DYNC2I1: variants seen among roughly 807,000 people sequenced by gnomAD.
DYNC2I1 encodes cytoplasmic dynein 2 intermediate chain 1.
In DYNC2I1, 89 loss-of-function variants were observed where a neutral mutation model predicts 133.4. The observed-to-expected ratio is 0.67, with a 90% CI of 0.56 to 0.80. DYNC2I1 has a LOEUF of 0.80. Ranked by LOEUF, DYNC2I1 falls within the 30% of genes least tolerant of loss-of-function variation. The probability of loss-of-function intolerance (pLI) is 0.00; values close to 1 mark genes in which losing one functional copy is unlikely to be tolerated. For synonymous variants in DYNC2I1, 504 were observed against 484.3 expected, an observed-to-expected ratio of 1.04 and a Z score of -0.54; for missense variants, 1,291 against 1,314.5, an observed-to-expected ratio of 0.98 and a Z score of 0.28.
chr7:158,936,178 A>G (rs902963945), intron 23 of DYNC2I1, among the ~76,000 whole-genome samples: 1 of 152,218 alleles, frequency 6.6e-6, no homozygotes, highest in African/African-American at 2.4e-5. Context: ...CAACAAAAGC[A>G]AAACTCCGTC....
In DYNC2I1 at chr7:158,871,568, TC is replaced by T; in HGVS notation, c.490+10del. On this transcript the variant is annotated splice_region_variant and intron_variant, in intron 3 of 24. Transcript: ENST00000407559. ...GGAGAGGAAAGGCCGCTCAGGTGGGTCCCCGCTTGCCTTCCTGTGGTTCCAC... is the reference window on the plus strand; with the variant it reads ...GGAGAGGAAAGGCCGCTCAGGTGGGTCCCGCTTGCCTTCCTGTGGTTCCAC... 1 of 1,524,050 alleles carries T rather than the reference TC, an allele frequency of 6.6e-7. No homozygotes were observed. The allele number at this position is 1,524,050 out of a possible 1,614,324, so 94.4% of individuals were successfully genotyped here.
At chr7:158,881,180 T>G (rs1291070373) in intron 5 of DYNC2I1, among the ~76,000 whole-genome samples, 1 of 152,232 alleles carries the variant, frequency 6.6e-6, no homozygotes, top group Non-Finnish European at 1.5e-5. Flanking sequence ...CTGTCCTGCA[T>G]GGGGTCAGAG....
At chr7:158,872,130 A>G (rs1196174254) in intron 3 of DYNC2I1, among the ~76,000 whole-genome samples, 2 of 151,834 alleles carry the variant, frequency 1.3e-5, no homozygotes, top group African/African-American at 2.4e-5. Context: ...AGCTTGGGGA[A>G]CACAGGGAGA....
chr7:158,922,315 GTT>G (rs1849180685), intron 15 of DYNC2I1, 60 bp from the exon 16 acceptor site: 1 of 1,541,716 alleles, frequency 6.5e-7, no homozygotes, highest in Non-Finnish European at 8.9e-7. Flanking sequence ...TCGGAAGTGT[GTT>G]AAATTTAACT....
At chr7:158,839,412 G>A in the DYNC2I1 span, among the ~76,000 whole-genome samples, 15 of 138,052 alleles carry the variant, frequency 1.1e-4, no homozygotes, top group East Asian at 4.4e-4. Context: ...ATGTGACTCC[G>A]TAACACCTGA....
chr7:158,936,444 T>C (rs1463405138), intron 23 of DYNC2I1, among the ~76,000 whole-genome samples: 1 of 152,182 alleles, frequency 6.6e-6, no homozygotes, highest in Non-Finnish European at 1.5e-5. Flanking sequence ...TTCCCCCTTA[T>C]TTGGCCTGGC....
chr7:158,949,381 A>G (rs1294114426), downstream of DYNC2I1, among the ~76,000 whole-genome samples: 6 of 152,252 alleles, frequency 3.9e-5, no homozygotes, highest in Admixed American at 3.9e-4. Context: ...GTCCTGGAAA[A>G]GCGTCTGCCT....
chr7:158,917,702 C>A (rs1848611243), intron 14 of DYNC2I1, among the ~76,000 whole-genome samples: 1 of 150,854 alleles, frequency 6.6e-6, no homozygotes, highest in Non-Finnish European at 1.5e-5. Flanking sequence ...TCACTAAACA[C>A]CCCCTGCCCT....
chr7:158,926,543 G>A (rs1190662722), intron 19 of DYNC2I1, 80 bp downstream of exon 19: 2 of 1,468,898 alleles, frequency 1.4e-6, no homozygotes, highest in African/African-American at 1.4e-5. Flanking sequence ...ATGGCGCAGG[G>A]GGCGGGACCC....
chr7:158,916,936 CTACACGCTGGTT>C (rs1848409314), intron 14 of DYNC2I1, among the ~76,000 whole-genome samples: 1 of 74,416 alleles, frequency 1.3e-5, no homozygotes, highest in African/African-American at 4.7e-5. Flanking sequence ...TGTGAAACGT[CTACACGCTGGTT>C]GACATTAAGG....
At chr7:158,939,766 G>A (rs985977559) in intron 23 of DYNC2I1, among the ~76,000 whole-genome samples, 10 of 152,146 alleles carry the variant, frequency 6.6e-5, no homozygotes, top group African/African-American at 2.4e-4. Context: ...CTAAAAGGGT[G>A]GAAAAAGGTA....
intron 7 of DYNC2I1, among the ~76,000 whole-genome samples, chr7:158,890,594 G>A (rs907298066): frequency 6.6e-6 from 1 of 151,908 alleles, no homozygotes; most frequent in African/African-American, 2.4e-5. Context: ...TTTGGGTAGT[G>A]ACTTCTTTTT....
intron 13 of DYNC2I1, 112 bp downstream of exon 13, chr7:158,913,208 G>T: frequency 1.2e-6 from 1 of 823,312 alleles, no homozygotes; most frequent in East Asian, 3.0e-5. Flanking sequence ...TCTTCTGTAT[G>T]GTTGTTAGCA....
At chr7:158,891,211 T>C in intron 7 of DYNC2I1, 54 bp from the exon 8 acceptor site, 1 of 1,601,482 alleles carries the variant, frequency 6.2e-7, no homozygotes, top group African/African-American at 1.3e-5. Context: ...GCGTGGCGTG[T>C]GCCCTGGAGT....
chr7:158,863,154 T>C (rs1842018697), intron 1 of DYNC2I1, among the ~76,000 whole-genome samples: 1 of 151,738 alleles, frequency 6.6e-6, no homozygotes, highest in South Asian at 2.1e-4. Context: ...TATTCCCTTA[T>C]TTGGCCCTGC....
chr7:158,875,924 C>T (rs1843316408), intron 3 of DYNC2I1, among the ~76,000 whole-genome samples: 1 of 152,198 alleles, frequency 6.6e-6, no homozygotes, highest in South Asian at 2.1e-4. Flanking sequence ...GTCTGGTGCC[C>T]TCTTGAATTT....
the DYNC2I1 span, among the ~76,000 whole-genome samples, chr7:158,847,378 A>G: frequency 1.2e-4 from 19 of 152,188 alleles, no homozygotes; most frequent in Admixed American, 9.8e-4. Flanking sequence ...CTTAAACCTT[A>G]AACTCTTTAG....
intron 1 of DYNC2I1, among the ~76,000 whole-genome samples, chr7:158,865,019 G>C (rs953835033): frequency 6.6e-6 from 1 of 152,208 alleles, no homozygotes; most frequent in Non-Finnish European, 1.5e-5. Context: ...AACAATGAGC[G>C]TCAGGTCCAG....
chr7:158,858,543 C>T (rs1405473286), intron 1 of DYNC2I1, among the ~76,000 whole-genome samples: 1 of 152,140 alleles, frequency 6.6e-6, no homozygotes, highest in East Asian at 1.9e-4. Context: ...CAAAAAAGAA[C>T]ATAAGCTGTT....
Sources: gnomAD v4.1 joint callset for allele counts (sites outside exome capture counted in the v4.1 genomes callset) on GRCh38, gnomAD v4.1.1 for gene constraint, MANE v1.5 for transcripts, NCBI Gene and HGNC (gene_info 2026-07-23, HGNC 2026-07-21) for gene names.